Variants in LRRIQ4 observed in about 807,000 individuals in gnomAD.
The protein encoded by LRRIQ4 is leucine rich repeats and IQ motif containing 4.
In LRRIQ4, 21 loss-of-function variants were observed where a neutral mutation model predicts 40.1. The ratio of observed to expected loss-of-function variants is 0.52; its 90% confidence interval spans 0.37 to 0.75. The LOEUF is 0.75. Ranked by LOEUF, LRRIQ4 falls within the 30% of genes least tolerant of loss-of-function variation. LRRIQ4 has a pLI of 0.00. For missense variants in LRRIQ4, 655 were observed against 660.0 expected, an observed-to-expected ratio of 0.99 and a Z score of 0.08; for synonymous variants, 277 against 277.1, an observed-to-expected ratio of 1.00 and a Z score of 0.00.
Position 169,830,561 on chromosome 3 carries a change from A to G in LRRIQ4, c.1264A>G (p.Asn422Asp), listed in dbSNP as rs774163930. ...YLPVSLGSMPNLEVLDCRHNL... is the reference protein window; with the variant it reads ...YLPVSLGSMPDLEVLDCRHNL... ...GCCCGTATCCTTGGGGTCAATGCCT[A>G]ACCTAGAAGTTCTTGATTGCCGGCA... The change falls in exon 4 of 6, where the codon AAC (asparagine) becomes GAC (aspartate). Residue 422 changes from asparagine to aspartate, a missense_variant. Physicochemically the swap from Asn to Asp is conservative, Grantham distance 23 (BLOSUM62 1). Transcript: ENST00000340806. 6 of 1,613,716 alleles carry G rather than the reference A, an allele frequency of 3.7e-6. No homozygotes were observed. In the African/African-American group the frequency reaches 5.3e-5, roughly 14 times the overall value.
chr3:169,814,485 G>C (rs1053771378), intron 1 of LRRIQ4, among the ~76,000 whole-genome samples: 1 of 152,006 alleles, frequency 6.6e-6, no homozygotes, highest in African/African-American at 2.4e-5. Flanking sequence ...TGGGGTGTTT[G>C]TTTGTTTGTT....
intron 3 of LRRIQ4, among the ~76,000 whole-genome samples, chr3:169,830,027 G>A (rs1305584968): frequency 6.6e-6 from 1 of 152,136 alleles, no homozygotes; most frequent in African/African-American, 2.4e-5. Flanking sequence ...GCCCAGTGAA[G>A]TTGAAAATAG....
intron 1 of LRRIQ4, among the ~76,000 whole-genome samples, chr3:169,816,862 G>T (rs1262071002): frequency 1.3e-5 from 2 of 151,822 alleles, no homozygotes; most frequent in Non-Finnish European, 2.9e-5. Context: ...GTAGAGACAG[G>T]GTTTCACCAT....
At chr3:169,827,600 C>G (rs540533617) in intron 2 of LRRIQ4, among the ~76,000 whole-genome samples, 55 of 126,144 alleles carry the variant, frequency 4.4e-4, no homozygotes, top group African/African-American at 1.8e-3. Flanking sequence ...GAGCGAGACT[C>G]CGTCTCAAAA....
rs571712235 is a variant in LRRIQ4, at chr3:169,830,705, T to C, written c.1333+75T>C. On this transcript the variant is annotated intron_variant, in intron 4 of 5. Coordinates refer to ENST00000340806, the MANE Select transcript of LRRIQ4 (RefSeq NM_001080460.3). ...TTCCTATGGCAAATGGCTTCCTTGCTTTGCTAAAGACCTATCTCAGTGTTC... is the reference window on the plus strand; with the variant it reads ...TTCCTATGGCAAATGGCTTCCTTGCCTTGCTAAAGACCTATCTCAGTGTTC... 1.4e-4 allele frequency: 214 copies of C among 1,551,134 alleles called. No individual in the cohort carries two copies. The East Asian group carries it at 3.5e-3, about 26-fold the overall frequency.
In LRRIQ4 at chr3:169,822,861, C is replaced by G. The variant is rs1172560663; in HGVS notation, c.940C>G (p.His314Asp). The change falls in exon 2 of 6, where the codon CAT (histidine) becomes GAT (aspartate). Residue 314 changes from histidine to aspartate, a missense_variant. His to Asp is a moderately conservative substitution (Grantham distance 81). Coordinates refer to ENST00000340806, the MANE Select transcript of LRRIQ4 (RefSeq NM_001080460.3). Reference protein sequence around the residue: ...NLRFLDLSQNHLHHCPLQICA... With the variant: ...NLRFLDLSQNDLHHCPLQICA... ...GCGCTTCCTGGACCTAAGCCAGAAC[C>G]ATCTGCACCACTGCCCGCTGCAGAT... 6.2e-7 allele frequency: 1 copy of G among 1,610,734 alleles called. No individual in the cohort carries two copies. Among genetic ancestry groups the G allele is most frequent in the East Asian group, 2.2e-5 (1 of 44,880 alleles).
At chr3:169,830,377 GAAAAAA>G (rs56795981) in intron 3 of LRRIQ4, 109 bp from the exon 4 acceptor site, 451 of 106,510 alleles carry the variant, frequency 4.2e-3, no homozygotes, top group East Asian at 0.017. Flanking sequence ...CACTGAAAGT[GAAAAAA>G]AAAAAAAAAA....
At position 169,828,870 on chromosome 3, in the gene LRRIQ4, T is replaced by C. The variant is rs1407706940; in HGVS notation, c.1132T>C (p.Tyr378His). 1.2e-6 allele frequency: 2 copies of C among 1,613,938 alleles called. No individual in the cohort carries two copies. The highest frequency in any genetic ancestry group is 1.3e-5 in the African/African-American group (1 of 75,040). The change falls in exon 3 of 6, where the codon TAC (tyrosine) becomes CAC (histidine). Residue 378 changes from tyrosine (Y) to histidine (H), a missense_variant. Physicochemically the swap from Tyr to His is moderately conservative, Grantham distance 83. Transcript: ENST00000340806. ...TTCTTTAGCGTCTTTAGAGAAATTATACATTGGGCAAGACCAGGGATTCAA... is the reference window on the plus strand; with the variant it reads ...TTCTTTAGCGTCTTTAGAGAAATTACACATTGGGCAAGACCAGGGATTCAA... ...VLSLASLEKL[Y>H]IGQDQGFKLT...
chr3:169,815,104 C>T (rs982131849), intron 1 of LRRIQ4, among the ~76,000 whole-genome samples: 1 of 152,078 alleles, frequency 6.6e-6, no homozygotes, highest in Non-Finnish European at 1.5e-5. Flanking sequence ...CTCAGGTTAG[C>T]TTTGGCTATG....
intron 2 of LRRIQ4, among the ~76,000 whole-genome samples, chr3:169,826,596 A>T (rs559007163): frequency 2.2e-4 from 33 of 152,258 alleles, no homozygotes; most frequent in Middle Eastern, 3.4e-3. Context: ...CCTAAAAAAA[A>T]TTTTTGAACA....
chr3:169,826,086 T>C (rs571331607), intron 2 of LRRIQ4, among the ~76,000 whole-genome samples: 2 of 152,176 alleles, frequency 1.3e-5, no homozygotes, highest in Admixed American at 1.3e-4. Context: ...TTGTAGAGTA[T>C]ACTTCTATTA....
At chr3:169,827,505 G>A (rs1051858310) in intron 2 of LRRIQ4, among the ~76,000 whole-genome samples, 1 of 151,244 alleles carries the variant, frequency 6.6e-6, no homozygotes, top group African/African-American at 2.4e-5. Context: ...TACTCGGGAG[G>A]CTGAGGCAGG....
rs768321519 is a variant in LRRIQ4, at chr3:169,822,636, C to T, written c.715C>T (p.Leu239Phe). The T allele has an allele frequency of 2.5e-6, 4 of 1,613,848 alleles. No individual in the cohort carries two copies. The highest frequency in any genetic ancestry group is 2.5e-6 in the Non-Finnish European group (3 of 1,179,906). Residue 239 changes from leucine (L) to phenylalanine (F), a missense_variant, in exon 2 of 6, where the codon CTC (leucine) becomes TTC (phenylalanine). Transcript: ENST00000340806. Reference protein sequence around the residue: ...SLCQCSQLSVLDLSHNLLHSI... With the variant: ...SLCQCSQLSVFDLSHNLLHSI... Reference sequence around the variant, plus strand: ...GTGCCAGTGTAGCCAACTGTCGGTGCTCGATTTATCCCACAACCTCCTCCA... The same window carrying T: ...GTGCCAGTGTAGCCAACTGTCGGTGTTCGATTTATCCCACAACCTCCTCCA...
rs3047513 is a variant in LRRIQ4, at chr3:169,836,483, AAGAGAG to A, written c.1531-978_1531-973del. On this transcript the variant is annotated intron_variant, in intron 5 of 5. Coordinates refer to ENST00000340806, the MANE Select transcript of LRRIQ4 (RefSeq NM_001080460.3). ...TCTCCCTGTGTCTTCATATAACAGA[AAGAGAG>A]AGAGAGAGAGAGAGAGATTGCACTA... Among the ~76,000 whole-genome samples, 493 of 150,194 alleles carry A rather than the reference AAGAGAG, an allele frequency of 3.3e-3. 2 individuals are homozygous for A. The highest frequency in any genetic ancestry group is 0.019 in the South Asian group (91 of 4,782).
intron 5 of LRRIQ4, among the ~76,000 whole-genome samples, 160 bp downstream of exon 5, chr3:169,833,343 A>AT (rs1780229114): frequency 6.6e-6 from 1 of 152,194 alleles, no homozygotes; most frequent in Non-Finnish European, 1.5e-5. Context: ...AAGTAAGAAG[A>AT]TTTTTAAATG....
rs1779905326 is a variant in LRRIQ4 at position 169,822,070 on chromosome 3, TAGA to T, written c.155_157del (p.Glu52del). Reference sequence around the variant, plus strand: ...TTGGAGATCTTCACATTCACAGAATTAGAAGAAGTGCATTTGGAGAATAACCAG... The same window carrying T: ...TTGGAGATCTTCACATTCACAGAATTAGAAGTGCATTTGGAGAATAACCAG... On this transcript the variant is annotated inframe_deletion, in exon 2 of 6. Coordinates refer to ENST00000340806, the MANE Select transcript of LRRIQ4 (RefSeq NM_001080460.3). The T allele has an allele frequency of 2.5e-6, 4 of 1,605,784 alleles. No homozygotes were observed. Among genetic ancestry groups the T allele is most frequent in the Admixed American group, 1.7e-5 (1 of 57,440 alleles).
intron 1 of LRRIQ4, among the ~76,000 whole-genome samples, chr3:169,814,159 T>A (rs1002612651): frequency 6.6e-6 from 1 of 152,038 alleles, no homozygotes; most frequent in African/African-American, 2.4e-5. Flanking sequence ...GCTTGGAGAA[T>A]GAGTGCAAGG....
At position 169,822,416 on chromosome 3, in the gene LRRIQ4, C is replaced by T. The variant is rs1779922114; in HGVS notation, c.495C>T (p.Thr165=). The change falls in exon 2 of 6, where the codon ACC becomes ACT. Residue 165 remains threonine (T), a synonymous_variant. Coordinates refer to ENST00000340806, the MANE Select transcript of LRRIQ4 (RefSeq NM_001080460.3). ...KCLPKEIVNQ[T]KLREIYLKRN... ...TGCCCAAGGAAATAGTGAACCAGAC[C>T]AAGCTGAGGGAGATCTACCTGAAGC... is the stretch of plus-strand genomic sequence containing the variant. 1.9e-6 allele frequency: 3 copies of T among 1,613,274 alleles called. No homozygotes were observed. The highest frequency in any genetic ancestry group is 1.7e-6 in the Non-Finnish European group (2 of 1,179,548).
Position 169,822,292 on chromosome 3 carries a change from G to A in LRRIQ4, c.371G>A (p.Arg124Gln), listed in dbSNP as rs756569175. The change falls in exon 2 of 6, where the codon CGG becomes CAG. Residue 124 changes from arginine (R) to glutamine (Q), a missense_variant. By Grantham distance (43) the Arg-to-Gln change is conservative. Transcript: ENST00000340806. ...VSFLHALREL[R>Q]LYQTDLKEIP... is the part of the protein sequence containing the mutation. Reference sequence around the variant, plus strand: ...TTCCTCCACGCCCTGCGCGAGCTCCGGCTCTACCAGACCGACCTGAAGGAA... The same window carrying A: ...TTCCTCCACGCCCTGCGCGAGCTCCAGCTCTACCAGACCGACCTGAAGGAA... 8 of 1,613,522 alleles carry A rather than the reference G, an allele frequency of 5.0e-6. No homozygotes were observed. The East Asian group carries it at 1.1e-4, about 22-fold the overall frequency.
Sources: gnomAD v4.1 joint callset for allele counts (sites outside exome capture counted in the v4.1 genomes callset) on GRCh38, gnomAD v4.1.1 for gene constraint, MANE v1.5 for transcripts, NCBI Gene and HGNC (gene_info 2026-07-23, HGNC 2026-07-21) for gene names.